DLG4: variants seen among roughly 807,000 people sequenced by gnomAD.
The protein encoded by DLG4 is disks large homolog 4.
A neutral mutation model predicts 93.8 loss-of-function variants in DLG4; 7 were observed. That is an observed-to-expected ratio of 0.07 (90% confidence interval 0.04 to 0.14). The LOEUF is 0.14. Among genes scored for constraint, DLG4 ranks in the 10% least tolerant of loss-of-function variants. DLG4 has a pLI of 1.00. For missense variants in DLG4, 545 were observed against 992.9 expected (o/e 0.55, Z 6.06); for synonymous variants, 341 against 387.6 (o/e 0.88, Z 1.41).
rs745704934 is a variant in DLG4, at chr17:7,191,244, C to T, written c.2068+23G>A. The T allele has an allele frequency of 6.2e-7, 1 of 1,612,626 alleles. No homozygotes were observed. ...CGAGCAAGGGCACCCTACATGCTGG[C>T]AACAGCCTTGCTGTGGCCTCACCTG... On this transcript the variant is annotated intron_variant, in intron 19 of 19. Coordinates refer to ENST00000399506, the MANE Select transcript of DLG4 (RefSeq NM_001321075.3). The surrounding 1 kb of genome is among the most constrained non-coding windows in gnomAD (Gnocchi z 6.6).
chr17:7,196,836 C>G lies in DLG4; in HGVS notation c.1004G>C (p.Gly335Ala), dbSNP rs377010784. ...FNIVGGEDGE[G>A]IFISFILAGG... ...GGCCAGGATAAAGGAGATGAAGATGCCTTCACCGTCCTCGCCACCCACGAT... is the reference window on the plus strand; with the variant it reads ...GGCCAGGATAAAGGAGATGAAGATGGCTTCACCGTCCTCGCCACCCACGAT... Residue 335 changes from glycine to alanine, a missense_variant, in exon 9 of 20, where the codon GGC (glycine) becomes GCC (alanine). Coordinates refer to ENST00000399506, the MANE Select transcript of DLG4 (RefSeq NM_001321075.3). This position sits in a 1 kb window ranked among gnomAD's most constrained non-coding sequence, Gnocchi z 8.3. The G allele has an allele frequency of 1.2e-6, 2 of 1,613,432 alleles. No individual in the cohort carries two copies. Among genetic ancestry groups the G allele is most frequent in the African/African-American group, 1.3e-5 (1 of 74,984 alleles).
At position 7,189,361 on chromosome 17, in the gene DLG4, A is replaced by C. The variant is rs1429813173; in HGVS notation, c.*1347T>G. The stretch of plus-strand genomic sequence containing the variant: ...AAAATTAGCCAGGCATGGTGGCAGT[A>C]ATCTGTAATCCCAGCTACTCAGGGG... On this transcript the variant is annotated 3_prime_UTR_variant, in exon 20 of 20. Transcript: ENST00000399506. Among the ~76,000 whole-genome samples the C allele has an allele frequency of 6.6e-5, 10 of 151,070 alleles. No individual in the cohort carries two copies. Among genetic ancestry groups the C allele is most frequent in the South Asian group, 2.1e-4 (1 of 4,770 alleles).
intron 1 of DLG4, among the ~76,000 whole-genome samples, chr17:7,215,448 C>T (rs575554031): frequency 1.9e-4 from 29 of 152,310 alleles, no homozygotes; most frequent in Non-Finnish European, 8.8e-5. Context: ...CACATTCCAG[C>T]GGGCTTTCTA....
chr17:7,203,055 C>A lies in DLG4; in HGVS notation c.643-8G>T. On this transcript the variant is annotated splice_polypyrimidine_tract_variant and splice_region_variant and intron_variant, in intron 7 of 19. Coordinates refer to ENST00000399506, the MANE Select transcript of DLG4 (RefSeq NM_001321075.3). This position sits in a 1 kb window ranked among gnomAD's most constrained non-coding sequence, Gnocchi z 7.2. ...TAGCCCCACACTGTTGACCTGGAGT[C>A]AAGGAAAGCAAAGCTCAGACAAAGC... 2 of 1,596,746 alleles carry A rather than the reference C, an allele frequency of 1.3e-6. No individual in the cohort carries two copies. Among genetic ancestry groups the A allele is most frequent in the Non-Finnish European group, 1.7e-6 (2 of 1,165,786 alleles).
chr17:7,201,065 T>C (rs1156384002), intron 8 of DLG4, among the ~76,000 whole-genome samples: 3 of 151,972 alleles, frequency 2.0e-5, no homozygotes, highest in African/African-American at 7.2e-5. Context: ...CGTTTCTCCA[T>C]GTTGGCCAGG....
At chr17:7,204,374 C>G in intron 2 of DLG4, 122 bp from the exon 3 acceptor site, 1 of 895,000 alleles carries the variant, frequency 1.1e-6, no homozygotes, top group South Asian at 1.8e-5. Context: ...CTCCGCCACC[C>G]TGAGAGCTGC....
At chr17:7,202,103 T>G (rs889205827) in intron 8 of DLG4, among the ~76,000 whole-genome samples, 1 of 152,224 alleles carries the variant, frequency 6.6e-6, no homozygotes, top group African/African-American at 2.4e-5. Flanking sequence ...CGTTTTCTCC[T>G]CTCGCTCTGT....
intron 8 of DLG4, among the ~76,000 whole-genome samples, chr17:7,197,406 T>G (rs533910265): frequency 6.6e-6 from 1 of 152,102 alleles, no homozygotes; most frequent in African/African-American, 2.4e-5. Context: ...CTCCCTCTTT[T>G]TTCCCCCCAC....
Position 7,203,440 on chromosome 17 carries a change from G to A in DLG4, c.489C>T (p.Leu163=), listed in dbSNP as rs1272760124. ...AGTTACTACCTTTAGGCCCCTTGAT[G>A]AGCTTGATCTCCATGACCTTCTCAG... ...PPAEKVMEIK[L]IKGPKGLGFS... is the part of the protein sequence containing the mutation. Residue 163 remains leucine (L), a synonymous_variant, in exon 6 of 20, where the codon CTC becomes CTT. Coordinates refer to ENST00000399506, the MANE Select transcript of DLG4 (RefSeq NM_001321075.3). This position sits in a 1 kb window ranked among gnomAD's most constrained non-coding sequence, Gnocchi z 7.2. The A allele has an allele frequency of 1.2e-6, 2 of 1,608,090 alleles. No individual in the cohort carries two copies. The highest frequency in any genetic ancestry group is 1.3e-5 in the African/African-American group (1 of 74,820).
chr17:7,208,526 A>G lies in DLG4; in HGVS notation c.31-287T>C, dbSNP rs2070584178. On this transcript the variant is annotated intron_variant, in intron 1 of 19. Transcript: ENST00000399506. This position sits in a 1 kb window ranked among gnomAD's most constrained non-coding sequence, Gnocchi z 5.4. ...CTGGGACACTGGCCTTCTGGTGGGC[A>G]TAGCCCCTCTGGCATCTGTGTCTTC... is the stretch of plus-strand genomic sequence containing the variant. 6.6e-6 allele frequency among the ~76,000 whole-genome samples: 1 copy of G among 152,042 alleles called. No individual in the cohort carries two copies. Among genetic ancestry groups the G allele is most frequent in the South Asian group, 2.1e-4 (1 of 4,818 alleles).
chr17:7,217,812 C>T (rs781755362), upstream of DLG4: 63 of 1,534,982 alleles, frequency 4.1e-5, 1 homozygote, highest in Middle Eastern at 3.3e-4. Flanking sequence ...ACAGCAAAGA[C>T]GATGAGGCTG....
rs775631780 is a variant in DLG4, at chr17:7,190,674, G to A, written c.*34C>T. 3.2e-6 allele frequency: 5 copies of A among 1,553,174 alleles called. No homozygotes were observed. The highest frequency in any genetic ancestry group is 3.6e-6 in the Non-Finnish European group (4 of 1,124,720). ...CCAGACCAAGGGCCCAGGTGATGGA[G>A]GCAGGGCGAGTCCAGGCCAAGCCAG... On this transcript the variant is annotated 3_prime_UTR_variant, in exon 20 of 20. Transcript: ENST00000399506.
intron 2 of DLG4, among the ~76,000 whole-genome samples, chr17:7,205,827 C>T (rs1410136103): frequency 6.7e-6 from 1 of 149,928 alleles, no homozygotes; most frequent in African/African-American, 2.5e-5. Context: ...TCCCATAGCC[C>T]GTCCTCCATC....
chr17:7,198,948 G>A (rs569245400), intron 8 of DLG4, among the ~76,000 whole-genome samples: 3 of 151,484 alleles, frequency 2.0e-5, no homozygotes, highest in East Asian at 1.9e-4. Flanking sequence ...CCCAGGAGGC[G>A]GAAGTTGCAG....
At position 7,189,861 on chromosome 17, in the gene DLG4, G is replaced by A. The variant is rs2069398035; in HGVS notation, c.*847C>T. 6.6e-6 allele frequency: 1 copy of A among 152,550 alleles called. No homozygotes were observed. Among genetic ancestry groups the A allele is most frequent in the South Asian group, 2.1e-4 (1 of 4,826 alleles). The allele number at this position is 152,550 out of a possible 1,614,324, so 9.4% of individuals were successfully genotyped here. The stretch of plus-strand genomic sequence containing the variant: ...CTGCGCCCATCTCCCTCCACACCCA[G>A]GTCCCAAATAACCAGGCCACACACC... On this transcript the variant is annotated 3_prime_UTR_variant, in exon 20 of 20. Transcript: ENST00000399506.
intron 1 of DLG4, among the ~76,000 whole-genome samples, chr17:7,209,612 A>C (rs1369090034): frequency 1.3e-5 from 2 of 152,172 alleles, no homozygotes; most frequent in African/African-American, 4.8e-5. Context: ...TCTACAAAAA[A>C]TACAAAAATT....
At chr17:7,219,734 A>C (rs1003858790), upstream of DLG4, 15 of 1,436,146 alleles carry the variant, frequency 1.0e-5, no homozygotes, top group Admixed American at 3.5e-4. Flanking sequence ...GGAGGACTAG[A>C]CTCTAGGTCG....
At position 7,217,360 on chromosome 17, in the gene DLG4, T is replaced by C. The variant is rs1597506471; in HGVS notation, c.-213A>G. 1 of 175,308 alleles carries C rather than the reference T, an allele frequency of 5.7e-6. No homozygotes were observed. Among genetic ancestry groups the C allele is most frequent in the East Asian group, 3.0e-4 (1 of 3,300 alleles). 10.9% of individuals were successfully genotyped at this position (175,308 alleles called of 1,614,324 possible). A position where few individuals can be genotyped will look rare whatever the true frequency, so the allele number is the denominator to read the frequency against. On this transcript the variant is annotated 5_prime_UTR_variant, in exon 1 of 20. Transcript: ENST00000399506. ...AGGGGAAGGGGGCCCTAAAAGGGGCTCCCCAGTGGAGGGGAGGGGGCTTGG... is the reference window on the plus strand; with the variant it reads ...AGGGGAAGGGGGCCCTAAAAGGGGCCCCCCAGTGGAGGGGAGGGGGCTTGG...
intron 1 of DLG4, chr17:7,213,857 C>A: frequency 2.1e-6 from 1 of 471,090 alleles, no homozygotes; most frequent in Non-Finnish European, 4.4e-6. Flanking sequence ...CAAGATGACC[C>A]CCAATGTCCT....
Sources: allele counts gnomAD v4.1 joint callset (sites outside exome capture counted in the v4.1 genomes callset), GRCh38; gene constraint gnomAD v4.1.1; non-coding constraint Gnocchi (gnomAD v3.1); transcripts MANE v1.5; gene names NCBI Gene and HGNC (gene_info 2026-07-23, HGNC 2026-07-21).